Variants in FARP2 observed in about 807,000 individuals in gnomAD.
The protein encoded by FARP2 is FERM, ARH/RhoGEF and pleckstrin domain protein 2.
In FARP2, 111 loss-of-function variants were observed where a neutral mutation model predicts 130.5. The observed-to-expected ratio is 0.85, with a 90% CI of 0.73 to 1.00. The LOEUF (loss-of-function observed/expected upper bound fraction) is 1.00. FARP2 is among the 50% of genes least tolerant of loss of function. The pLI is 0.00. For missense variants in FARP2, 1,385 were observed against 1,346.3 expected (o/e 1.03, Z -0.45); for synonymous variants, 504 against 516.9 (o/e 0.98, Z 0.34).
At chr2:241,436,031 G>C (rs1000480204) in intron 11 of FARP2, among the ~76,000 whole-genome samples, 5 of 147,962 alleles carry the variant, frequency 3.4e-5, no homozygotes, top group Non-Finnish European at 7.4e-5. Context: ...TCTTGCCTCA[G>C]CCTCCCAAGT....
chr2:241,414,490 C>T (rs1408884860), intron 7 of FARP2, among the ~76,000 whole-genome samples: 1 of 152,212 alleles, frequency 6.6e-6, no homozygotes, highest in Non-Finnish European at 1.5e-5. Context: ...GGCAGCTGCC[C>T]TTTCACACCT....
rs2064436667 is a variant in FARP2, at chr2:241,475,571, GT to G, written c.2132-283del. Among the ~76,000 whole-genome samples the G allele has an allele frequency of 6.6e-6, 1 of 152,220 alleles. No homozygotes were observed. The highest frequency in any genetic ancestry group is 1.5e-5 in the Non-Finnish European group (1 of 68,040). ...GTGAACTGCACATGTGGGGGATCTA[GT>G]TTGTATGCTCCTTGTGAGAATCTAA... On this transcript the variant is annotated intron_variant, in intron 18 of 26. Transcript: ENST00000264042. This position sits in a 1 kb window ranked among gnomAD's most constrained non-coding sequence, Gnocchi z 4.4.
chr2:241,488,746 C>G (rs2064823763), intron 21 of FARP2: 1 of 152,138 alleles, frequency 6.6e-6, no homozygotes, highest in South Asian at 2.1e-4. Context: ...ACATTTCTCC[C>G]CATTATTTGT....
intron 1 of FARP2, among the ~76,000 whole-genome samples, chr2:241,363,827 A>G (rs551607767): frequency 6.6e-6 from 1 of 152,270 alleles, no homozygotes; most frequent in Non-Finnish European, 1.5e-5. Flanking sequence ...AAACAAGATC[A>G]AGAGTCTCTA....
chr2:241,427,196 T>C (rs1159990113), intron 8 of FARP2, among the ~76,000 whole-genome samples: 1 of 152,020 alleles, frequency 6.6e-6, no homozygotes, highest in African/African-American at 2.4e-5. Context: ...GATCGCACCA[T>C]TGCACTCCAG....
At chr2:241,402,010 G>A (rs778661777) in intron 2 of FARP2, among the ~76,000 whole-genome samples, 28 of 151,976 alleles carry the variant, frequency 1.8e-4, no homozygotes, top group Non-Finnish European at 3.5e-4. Flanking sequence ...GGCTGGTCTC[G>A]AACTCCTGAG....
Position 241,472,785 on chromosome 2 carries a change from A to G in FARP2, c.2132-3072A>G, listed in dbSNP as rs147254543. ...CTTTTATGTGGGAGATGCTGTTCTG[A>G]AGGGACTCAGTTCTGAGGGCACCCT... On this transcript the variant is annotated intron_variant, in intron 18 of 26. Coordinates refer to ENST00000264042, the MANE Select transcript of FARP2 (RefSeq NM_014808.4). 7.4e-3 allele frequency among the ~76,000 whole-genome samples: 1,056 copies of G among 141,746 alleles called. 30 individuals are homozygous for G. In the South Asian group the frequency reaches 0.08, roughly 11 times the overall value. 93.0% of individuals were successfully genotyped at this position (141,746 alleles called of 152,430 possible).
At chr2:241,469,225 T>TA (rs1036161438) in intron 18 of FARP2, among the ~76,000 whole-genome samples, 37 of 152,230 alleles carry the variant, frequency 2.4e-4, no homozygotes, top group Admixed American at 9.8e-4. Context: ...TAGCCGGTAT[T>TA]ACAGGCGCCC....
At chr2:241,437,982 G>GT (rs1261546362) in intron 12 of FARP2, among the ~76,000 whole-genome samples, 1 of 151,880 alleles carries the variant, frequency 6.6e-6, no homozygotes, top group Non-Finnish European at 1.5e-5. Flanking sequence ...TGATTTTTGT[G>GT]TTTTTTAGTA....
At chr2:241,410,875 T>C (rs2062499942) in intron 5 of FARP2, 158 bp from the exon 6 acceptor site, 1 of 590,162 alleles carries the variant, frequency 1.7e-6, no homozygotes. Context: ...AAAGGCCTTT[T>C]GTGACTTTGC....
In FARP2 at chr2:241,475,203, A is replaced by G. The variant is rs924609036; in HGVS notation, c.2132-654A>G. On this transcript the variant is annotated intron_variant, in intron 18 of 26. Coordinates refer to ENST00000264042, the MANE Select transcript of FARP2 (RefSeq NM_014808.4). This position sits in a 1 kb window ranked among gnomAD's most constrained non-coding sequence, Gnocchi z 4.4. Reference sequence around the variant, plus strand: ...CATTAAATGGTTATTTACAAAGCCTATCCTCTTTGCCAAACCAGAATATGG... The same window carrying G: ...CATTAAATGGTTATTTACAAAGCCTGTCCTCTTTGCCAAACCAGAATATGG... Among the ~76,000 whole-genome samples, 4 of 152,250 alleles carry G rather than the reference A, an allele frequency of 2.6e-5. No individual in the cohort carries two copies. The highest frequency in any genetic ancestry group is 3.8e-4 in the East Asian group (2 of 5,200).
At chr2:241,422,785 A>G (rs143561930) in intron 8 of FARP2, among the ~76,000 whole-genome samples, 1 of 152,260 alleles carries the variant, frequency 6.6e-6, no homozygotes, top group Non-Finnish European at 1.5e-5. Context: ...TACCTGATGT[A>G]GCTGAAAAAC....
intron 1 of FARP2, among the ~76,000 whole-genome samples, chr2:241,360,989 T>C (rs1559698004): frequency 6.6e-6 from 1 of 151,708 alleles, no homozygotes; most frequent in Non-Finnish European, 1.5e-5. Flanking sequence ...AAAACAGGTG[T>C]TCAGGTAAAT....
chr2:241,478,927 A>C, intron 19 of FARP2: 1 of 409,612 alleles, frequency 2.4e-6, no homozygotes, highest in East Asian at 5.3e-5. Context: ...ACAACACCCC[A>C]TACAGTATGG....
intron 2 of FARP2, among the ~76,000 whole-genome samples, chr2:241,392,708 G>A (rs1396468456): frequency 6.6e-6 from 1 of 152,112 alleles, no homozygotes; most frequent in Non-Finnish European, 1.5e-5. Flanking sequence ...GGGAGGCTGA[G>A]GCGGATGGAT....
intron 6 of FARP2, among the ~76,000 whole-genome samples, chr2:241,412,892 A>T (rs2062557656): frequency 6.6e-6 from 1 of 152,136 alleles, no homozygotes; most frequent in East Asian, 1.9e-4. Context: ...GCTGGGCATG[A>T]TGGTGCTTAC....
intron 22 of FARP2, among the ~76,000 whole-genome samples, chr2:241,490,604 C>G (rs1201456769): frequency 6.6e-6 from 1 of 152,180 alleles, no homozygotes; most frequent in African/African-American, 2.4e-5. Flanking sequence ...GATGCAGGGG[C>G]CCCTGCATGG....
Position 241,484,258 on chromosome 2 carries a change from T to C in FARP2, c.2348T>C (p.Leu783Pro). ...GCTTCTCAGTTCTCAGATATGTTGC[T>C]GTACACAAGCAAAGGAGTTGCAGGG... ...RMFFLFSDMLLYTSKGVAGTS... is the reference protein window; with the variant it reads ...RMFFLFSDMLPYTSKGVAGTS... Residue 783 changes from leucine to proline, a missense_variant, in exon 21 of 27, where the codon CTG becomes CCG. Coordinates refer to ENST00000264042, the MANE Select transcript of FARP2 (RefSeq NM_014808.4). The C allele has an allele frequency of 6.2e-7, 1 of 1,614,186 alleles. No individual in the cohort carries two copies. Among genetic ancestry groups the C allele is most frequent in the Non-Finnish European group, 8.5e-7 (1 of 1,179,998 alleles).
intron 18 of FARP2, among the ~76,000 whole-genome samples, chr2:241,472,054 G>A (rs2064333360): frequency 1.4e-5 from 1 of 71,386 alleles, no homozygotes; most frequent in Admixed American, 2.2e-4. Context: ...CCTGTTTGGA[G>A]GGGGATGCCA....
Sources: gnomAD v4.1 joint callset for allele counts (sites outside exome capture counted in the v4.1 genomes callset) on GRCh38, gnomAD v4.1.1 for gene constraint, Gnocchi (gnomAD v3.1) non-coding constraint, MANE v1.5 for transcripts, NCBI Gene and HGNC (gene_info 2026-07-23, HGNC 2026-07-21) for gene names.